Variants in ZNF318 observed in about 807,000 individuals in gnomAD.
ZNF318 encodes endocrine regulator.
Under a neutral mutation model 124.2 loss-of-function variants are expected in ZNF318, and 51 were observed. The observed-to-expected ratio is 0.41, with a 90% CI of 0.33 to 0.52. The LOEUF is 0.52. Among genes scored for constraint, ZNF318 ranks in the 20% least tolerant of loss-of-function variants. The pLI is 0.23. For synonymous variants in ZNF318, 1,090 were observed against 1,040.7 expected (o/e 1.05, Z -0.91); for missense variants, 2,815 against 2,811.2 (o/e 1.00, Z -0.03).
At chr6:43,364,272 C>A (rs1304436537) in intron 2 of ZNF318, 2 of 501,294 alleles carry the variant, frequency 4.0e-6, no homozygotes, top group Admixed American at 3.2e-5. Context: ...AGGACGTAGG[C>A]TCCAGCTGTG....
chr6:43,340,212 CTCT>C lies in ZNF318; in HGVS notation c.3783_3785del (p.Glu1262del), dbSNP rs1381377006. Reference sequence around the variant, plus strand: ...ATGATGTTGGTGATTCCTTCTTTACCTCTTCTTTTAACTGGAGTTTGATGCCAG... The same window carrying C: ...ATGATGTTGGTGATTCCTTCTTTACCTCTTTTAACTGGAGTTTGATGCCAG... On this transcript the variant is annotated inframe_deletion, in exon 10 of 10. Coordinates refer to ENST00000361428, the MANE Select transcript of ZNF318 (RefSeq NM_014345.3). The C allele has an allele frequency of 2.5e-6, 4 of 1,613,952 alleles. No individual in the cohort carries two copies. Among genetic ancestry groups the C allele is most frequent in the Non-Finnish European group, 3.4e-6 (4 of 1,180,020 alleles).
Position 43,339,234 on chromosome 6 carries a change from C to T in ZNF318, c.4764G>A (p.Glu1588=). ...KGAPETKGAP[E]TKLSGGPLAN... is the part of the protein sequence containing the mutation. The stretch of plus-strand genomic sequence containing the variant: ...CCAATGGACCACCACTTAGCTTAGT[C>T]TCAGGGGCCCCCTTAGTCTCAGGGG... Residue 1588 remains glutamate, a synonymous_variant, in exon 10 of 10, where the codon GAG becomes GAA. Coordinates refer to ENST00000361428, the MANE Select transcript of ZNF318 (RefSeq NM_014345.3). This position sits in a 1 kb window ranked among gnomAD's most constrained non-coding sequence, Gnocchi z 4.2. The T allele has an allele frequency of 6.2e-7, 1 of 1,610,668 alleles. No homozygotes were observed. Among genetic ancestry groups the T allele is most frequent in the Non-Finnish European group, 8.5e-7 (1 of 1,178,104 alleles).
In ZNF318 at chr6:43,369,259, G is replaced by A. The variant is rs1275607241; in HGVS notation, c.107C>T (p.Ala36Val). The change falls in exon 1 of 10, where the codon GCT becomes GTT. Residue 36 changes from alanine (A) to valine (V), a missense_variant. Ala to Val is a moderately conservative substitution (Grantham distance 64). Around this residue, in one of 4 missense-constraint regions of ZNF318, gnomAD observed 1,377 missense variants for 1,353.5 expected, o/e 1.02. Transcript: ENST00000361428. ...GRSSGSSSGP[A>V]RRSSPPPPPS... The stretch of plus-strand genomic sequence containing the variant: ...CGGAGGCGGCGGTGAGCTGCGGCGA[G>A]CCGGGCCTGAGGAGGAGCCAGAGCT... 3.1e-6 allele frequency: 4 copies of A among 1,277,336 alleles called. No individual in the cohort carries two copies. Among genetic ancestry groups the A allele is most frequent in the South Asian group, 2.1e-5 (1 of 46,838 alleles). The allele number at this position is 1,277,336 out of a possible 1,614,324, so 79.1% of individuals were successfully genotyped here. A position where few individuals can be genotyped will look rare whatever the true frequency, so the allele number is the denominator to read the frequency against.
At position 43,339,890 on chromosome 6, in the gene ZNF318, G is replaced by A; in HGVS notation, c.4108C>T (p.Pro1370Ser). Residue 1370 changes from proline to serine, a missense_variant, in exon 10 of 10, where the codon CCA becomes TCA. Transcript: ENST00000361428. The surrounding 1 kb of genome is among the most constrained non-coding windows in gnomAD (Gnocchi z 4.2). ...RKSCSATMSK[P>S]APLNTFLSIK... Reference sequence around the variant, plus strand: ...GACAGAAAGGTGTTAAGAGGAGCTGGCTTGCTCATTGTGGCTGAACATGAC... The same window carrying A: ...GACAGAAAGGTGTTAAGAGGAGCTGACTTGCTCATTGTGGCTGAACATGAC... 1 of 1,614,180 alleles carries A rather than the reference G, an allele frequency of 6.2e-7. No individual in the cohort carries two copies. The highest frequency in any genetic ancestry group is 8.5e-7 in the Non-Finnish European group (1 of 1,180,028).
Position 43,338,127 on chromosome 6 carries a change from A to G in ZNF318, c.5871T>C (p.Ala1957=), listed in dbSNP as rs1026175668. ...DFQVKKIYEL[A]VWDENKKRPE... ...GCCTCTTCTTGTTTTCATCCCAAAC[A>G]GCCAACTCATAGATCTTTTTAACTT... is the stretch of plus-strand genomic sequence containing the variant. Residue 1957 remains alanine, a synonymous_variant, in exon 10 of 10, where the codon GCT becomes GCC. Transcript: ENST00000361428. 1.2e-6 allele frequency: 2 copies of G among 1,613,624 alleles called. No homozygotes were observed. The highest frequency in any genetic ancestry group is 1.7e-5 in the Admixed American group (1 of 59,888).
At chr6:43,363,972 C>T (rs1779723587) in intron 2 of ZNF318, 1 of 684,516 alleles carries the variant, frequency 1.5e-6, no homozygotes, top group South Asian at 1.6e-5. Context: ...AGGTGACAGG[C>T]TACTGCGGCT....
chr6:43,358,454 G>A (rs1269965793), intron 2 of ZNF318, among the ~76,000 whole-genome samples: 1 of 142,780 alleles, frequency 7.0e-6, no homozygotes, highest in East Asian at 2.1e-4. Context: ...AGTAGAGACA[G>A]GGTTTCACCA....
chr6:43,352,550 T>C, intron 4 of ZNF318, 74 bp from the exon 5 acceptor site: 1 of 1,353,434 alleles, frequency 7.4e-7, no homozygotes, highest in Non-Finnish European at 1.0e-6. Context: ...TCCAGAAGCC[T>C]TCTTCCTAGA....
intron 6 of ZNF318, among the ~76,000 whole-genome samples, chr6:43,345,645 T>C (rs1275943743): frequency 2.6e-5 from 4 of 152,172 alleles, no homozygotes; most frequent in African/African-American, 9.7e-5. Context: ...AGACTAGGCC[T>C]ACCTGGTTGA....
intron 2 of ZNF318, chr6:43,363,905 C>T (rs1212162527): frequency 1.0e-5 from 7 of 686,566 alleles, no homozygotes; most frequent in Non-Finnish European, 1.6e-5. Flanking sequence ...TCCATTCTCC[C>T]TGTGCACAGA....
At chr6:43,351,725 C>T (rs1779526264) in intron 5 of ZNF318, among the ~76,000 whole-genome samples, 1 of 150,764 alleles carries the variant, frequency 6.6e-6, no homozygotes, top group Non-Finnish European at 1.5e-5. Flanking sequence ...TGCACCACTG[C>T]ACTCCAGCCT....
At position 43,337,647 on chromosome 6, in the gene ZNF318, CA is replaced by C; in HGVS notation, c.6350del (p.Leu2117TrpfsTer4). 1 of 1,614,152 alleles carries C rather than the reference CA, an allele frequency of 6.2e-7. No individual in the cohort carries two copies. Among genetic ancestry groups the C allele is most frequent in the Non-Finnish European group, 8.5e-7 (1 of 1,180,010 alleles). Reference protein sequence around the residue: ...TGLTENVDRGLGGLEGTHQAL... With the variant: ...TGLTENVDRGXGGLEGTHQAL... The stretch of plus-strand genomic sequence containing the variant: ...CCTGGTGTGTTCCCTCTAGGCCCCC[CA>C]AGCCACGGTCAACATTTTCTGTAAG... On this transcript the variant is annotated frameshift_variant, in exon 10 of 10. Transcript: ENST00000361428. LOFTEE classifies it high-confidence loss of function.
chr6:43,368,982 G>A lies in ZNF318; in HGVS notation c.384C>T (p.Gly128=). The A allele has an allele frequency of 7.0e-7, 1 of 1,431,720 alleles. No homozygotes were observed. 88.7% of individuals were successfully genotyped at this position (1,431,720 alleles called of 1,614,324 possible). A position where few individuals can be genotyped will look rare whatever the true frequency, so the allele number is the denominator to read the frequency against. Residue 128 remains glycine, a synonymous_variant, in exon 1 of 10, where the codon GGC becomes GGT. Coordinates refer to ENST00000361428, the MANE Select transcript of ZNF318 (RefSeq NM_014345.3). The part of the protein sequence containing the change: ...YARDGRGDHP[G]DSGSRRRSPG... ...GTGGGATTACCCGGCTGCCGCTGTC[G>A]CCTGGATGGTCTCCGCGGCCGTCCC...
chr6:43,354,760 C>A lies in ZNF318; in HGVS notation c.2574G>T (p.Ala858=), dbSNP rs746462253. Residue 858 remains alanine (A), a synonymous_variant, in exon 4 of 10, where the codon GCG becomes GCT. Transcript: ENST00000361428. ...TGGACACCTGGACAGGCACTTGGGC[C>A]GCAGGAATTGAGCCTCGCAGAGACT... ...QKESLRGSIP[A]AQVPVQVSIP... 3.1e-6 allele frequency: 5 copies of A among 1,613,948 alleles called. No individual in the cohort carries two copies. The highest frequency in any genetic ancestry group is 2.7e-5 in the African/African-American group (2 of 74,876).
intron 2 of ZNF318, among the ~76,000 whole-genome samples, chr6:43,358,092 C>T (rs898539107): frequency 2.6e-5 from 4 of 152,132 alleles, no homozygotes; most frequent in African/African-American, 4.8e-5. Context: ...GTAGTGCGGA[C>T]GAAACAGCAT....
At chr6:43,368,401 T>A (rs190261802) in intron 1 of ZNF318, among the ~76,000 whole-genome samples, 1 of 152,290 alleles carries the variant, frequency 6.6e-6, no homozygotes, top group Admixed American at 6.5e-5. Flanking sequence ...ATTCCTGACA[T>A]AGAACTCGAT....
rs566921271 is a variant in ZNF318, at chr6:43,357,680, G to C, written c.634C>G (p.Pro212Ala). The C allele has an allele frequency of 2.7e-5, 43 of 1,613,150 alleles. No individual in the cohort carries two copies. In the East Asian group the frequency reaches 8.9e-4, roughly 33 times the overall value. Residue 212 changes from proline to alanine, a missense_variant, in exon 3 of 10, where the codon CCT becomes GCT. This residue lies in a region of ZNF318 where 1,377 missense variants were observed against 1,353.5 expected (regional missense o/e 1.02). Coordinates refer to ENST00000361428, the MANE Select transcript of ZNF318 (RefSeq NM_014345.3). ...LERYISQEEGPLSPFLGQLDE... is the reference protein window; with the variant it reads ...LERYISQEEGALSPFLGQLDE... Reference sequence around the variant, plus strand: ...AGTTGTCCCAAGAAGGGACTGAGAGGCCCTTCCTCCTGGGAAATATATCGC... The same window carrying C: ...AGTTGTCCCAAGAAGGGACTGAGAGCCCCTTCCTCCTGGGAAATATATCGC...
Position 43,339,088 on chromosome 6 carries a change from G to C in ZNF318, c.4910C>G (p.Pro1637Arg). The C allele has an allele frequency of 6.2e-7, 1 of 1,614,128 alleles. No individual in the cohort carries two copies. Among genetic ancestry groups the C allele is most frequent in the Non-Finnish European group, 8.5e-7 (1 of 1,180,024 alleles). Residue 1637 changes from proline (P) to arginine (R), a missense_variant, in exon 10 of 10, where the codon CCT becomes CGT. Pro to Arg is a moderately radical substitution (Grantham distance 103, BLOSUM62 -2). This residue lies in a region of ZNF318 where 927 missense variants were observed against 820.6 expected (regional missense o/e 1.13). Coordinates refer to ENST00000361428, the MANE Select transcript of ZNF318 (RefSeq NM_014345.3). This position sits in a 1 kb window ranked among gnomAD's most constrained non-coding sequence, Gnocchi z 4.2. ...LHQDEGLVAA[P>R]IVSNSEKPIA... ...GGGCTTTTCAGAGTTGCTAACTATAGGAGCAGCGACCAAACCCTCATCTTG... is the reference window on the plus strand; with the variant it reads ...GGGCTTTTCAGAGTTGCTAACTATACGAGCAGCGACCAAACCCTCATCTTG...
chr6:43,343,258 G>T (rs1779395652), intron 6 of ZNF318, among the ~76,000 whole-genome samples: 1 of 152,116 alleles, frequency 6.6e-6, no homozygotes. Context: ...TGTTACCTAT[G>T]CAACTAAACA....
Sources: gnomAD v4.1 joint callset for allele counts (sites outside exome capture counted in the v4.1 genomes callset) on GRCh38, gnomAD v4.1.1 for gene constraint, gnomAD v4.1.1 regional missense constraint, Gnocchi (gnomAD v3.1) non-coding constraint, MANE v1.5 for transcripts, NCBI Gene and HGNC (gene_info 2026-07-23, HGNC 2026-07-21) for gene names.